The following CSE1L variants were observed in gnomAD, a reference collection of about 807,000 sequenced individuals.
CSE1L encodes exportin-2.
CSE1L carries 24 observed loss-of-function variants against 120.4 expected under a neutral mutation model. The ratio of observed to expected loss-of-function variants is 0.20; its 90% CI spans 0.14 to 0.28. The LOEUF (loss-of-function observed/expected upper bound fraction) is 0.28. CSE1L is among the 10% of genes least tolerant of loss of function. CSE1L has a pLI of 1.00. For synonymous variants in CSE1L, 402 were observed against 398.3 expected (o/e 1.01, Z -0.11); for missense variants, 830 against 1,145.2 (o/e 0.72, Z 3.97).
At chr20:49,064,728 T>A (rs1162995611) in intron 3 of CSE1L, among the ~76,000 whole-genome samples, 1 of 151,774 alleles carries the variant, frequency 6.6e-6, no homozygotes, top group Admixed American at 6.6e-5. Context: ...TCTCAGAATG[T>A]TTAAAAGTCC....
chr20:49,049,292 T>C (rs1253834953), intron 1 of CSE1L, among the ~76,000 whole-genome samples: 2 of 151,898 alleles, frequency 1.3e-5, no homozygotes, highest in East Asian at 1.9e-4. Context: ...CAGTCTATCC[T>C]CCTACCTCAG....
intron 7 of CSE1L, among the ~76,000 whole-genome samples, chr20:49,069,098 C>G (rs2087351211): frequency 6.6e-6 from 1 of 152,108 alleles, no homozygotes; most frequent in African/African-American, 2.4e-5. Context: ...CACTGTTTTA[C>G]TGGTGGCATT....
intron 2 of CSE1L, among the ~76,000 whole-genome samples, chr20:49,061,490 T>G (rs1437877104): frequency 5.1e-5 from 4 of 78,368 alleles, no homozygotes; most frequent in Non-Finnish European, 1.0e-4. Context: ...ATTATTATTA[T>G]TTATTTATTT....
chr20:49,082,947 G>A (rs541816164), intron 14 of CSE1L, among the ~76,000 whole-genome samples: 1 of 151,976 alleles, frequency 6.6e-6, no homozygotes, highest in African/African-American at 2.4e-5. Flanking sequence ...AGCCTCCCTA[G>A]TTGATGGGAT....
intron 1 of CSE1L, among the ~76,000 whole-genome samples, chr20:49,049,798 G>A (rs1296750986): frequency 6.6e-6 from 1 of 152,218 alleles, no homozygotes; most frequent in Non-Finnish European, 1.5e-5. Context: ...GAAGGCCAAG[G>A]TGGGCGGATC....
rs2092126602 is a variant in CSE1L at position 49,094,768 on chromosome 20, G to A, written c.2631G>A (p.Glu877=). ...TACAGTCTTTGATTGGTCTTTTTGAGTTACCCGAAGATGATACCATTCCTG... is the reference window on the plus strand; with the variant it reads ...TACAGTCTTTGATTGGTCTTTTTGAATTACCCGAAGATGATACCATTCCTG... ...PLLQSLIGLF[E]LPEDDTIPDE... Residue 877 remains glutamate, a synonymous_variant, in exon 24 of 25, where the codon GAG becomes GAA. Coordinates refer to ENST00000262982, the MANE Select transcript of CSE1L (RefSeq NM_001316.4). 6 of 1,613,848 alleles carry A rather than the reference G, an allele frequency of 3.7e-6. No homozygotes were observed. In the East Asian group the frequency reaches 1.1e-4, roughly 30 times the overall value.
rs1204304857 is a variant in CSE1L at position 49,047,535 on chromosome 20, GTTTTCTTTTTCT to G, written c.-12+1122_-12+1133del. 3.9e-5 allele frequency among the ~76,000 whole-genome samples: 3 copies of G among 77,040 alleles called. No individual in the cohort carries two copies. The South Asian group carries it at 1.3e-3, about 32-fold the overall frequency. 50.5% of individuals were successfully genotyped at this position (77,040 alleles called of 152,430 possible). ...CCTCCCCTAACCAACCTCTTCTTTT[GTTTTCTTTTTCT>G]TTTTCTTTTCTCTTTTCTTTTTTTT... On this transcript the variant is annotated intron_variant, in intron 1 of 24. Coordinates refer to ENST00000262982, the MANE Select transcript of CSE1L (RefSeq NM_001316.4).
At chr20:49,067,863 G>A (rs974906427) in intron 6 of CSE1L, among the ~76,000 whole-genome samples, 1 of 148,242 alleles carries the variant, frequency 6.7e-6, no homozygotes, top group Non-Finnish European at 1.5e-5. Context: ...AGCATTCCAA[G>A]TAGCTGGGAC....
rs1166316580 is a variant in CSE1L, at chr20:49,074,800, C to T, written c.1082C>T (p.Ala361Val). 3 of 1,612,400 alleles carry T rather than the reference C, an allele frequency of 1.9e-6. No homozygotes were observed. The highest frequency in any genetic ancestry group is 2.2e-5 in the South Asian group (2 of 90,830). The part of the protein sequence containing the change: ...NMEFRAADEE[A>V]FEDNSEEYIR... ...CTCCTTGTAGCTGCTGATGAAGAAGCATTTGAAGATAATTCTGAGGAGTAC... is the reference window on the plus strand; with the variant it reads ...CTCCTTGTAGCTGCTGATGAAGAAGTATTTGAAGATAATTCTGAGGAGTAC... Residue 361 changes from alanine to valine, a missense_variant, in exon 11 of 25, where the codon GCA (alanine) becomes GTA (valine). By Grantham distance (64) the Ala-to-Val change is moderately conservative. Around this residue, in one of 4 missense-constraint regions of CSE1L, gnomAD observed 543 missense variants for 640.2 expected, o/e 0.85. Transcript: ENST00000262982.
At chr20:49,070,961 C>T (rs1423488371) in intron 8 of CSE1L, among the ~76,000 whole-genome samples, 1 of 151,984 alleles carries the variant, frequency 6.6e-6, no homozygotes, top group Non-Finnish European at 1.5e-5. Flanking sequence ...AAAAATTATC[C>T]ACAGCTCGAG....
chr20:49,077,155 T>A, intron 13 of CSE1L, 91 bp downstream of exon 13: 2 of 502,714 alleles, frequency 4.0e-6, no homozygotes, highest in Non-Finnish European at 6.5e-6. Context: ...CTTTTGTTCT[T>A]TTTTTTTTTT....
rs181642796 is a variant in CSE1L at position 49,077,135 on chromosome 20, T to C, written c.1420+71T>C. ...CCTGAATTCAAAAAACAGCTTCCTA[T>C]CCTTGTTCCCTTTTGTTCTTTTTTT... On this transcript the variant is annotated intron_variant, in intron 13 of 24. Coordinates refer to ENST00000262982, the MANE Select transcript of CSE1L (RefSeq NM_001316.4). 1.2e-5 allele frequency: 9 copies of C among 772,256 alleles called. No homozygotes were observed. The African/African-American group carries it at 1.6e-4, about 14-fold the overall frequency. The allele number at this position is 772,256 out of a possible 1,614,324, so 47.8% of individuals were successfully genotyped here.
At chr20:49,079,150 C>T (rs1453228987) in intron 14 of CSE1L, among the ~76,000 whole-genome samples, 1 of 152,114 alleles carries the variant, frequency 6.6e-6, no homozygotes, top group African/African-American at 2.4e-5. Flanking sequence ...ACCTCGGCCT[C>T]CCAAAGTGCT....
intron 10 of CSE1L, among the ~76,000 whole-genome samples, chr20:49,073,507 A>AC (rs2091947197): frequency 1.3e-5 from 2 of 149,952 alleles, no homozygotes; most frequent in Non-Finnish European, 3.0e-5. Flanking sequence ...TGTTTTGGGG[A>AC]CAGGGTCTCA....
intron 1 of CSE1L, among the ~76,000 whole-genome samples, chr20:49,047,431 C>A (rs1252182324): frequency 6.6e-6 from 1 of 152,006 alleles, no homozygotes; most frequent in East Asian, 1.9e-4. Context: ...AAATTATTTG[C>A]ACATGCCTTT....
intron 12 of CSE1L, 41 bp downstream of exon 12, chr20:49,075,561 C>T (rs931885742): frequency 6.7e-7 from 1 of 1,492,504 alleles, no homozygotes; most frequent in Admixed American, 1.7e-5. Context: ...AAACAGACAT[C>T]AGTGACACCC....
chr20:49,079,609 C>T (rs1039504356), intron 14 of CSE1L, among the ~76,000 whole-genome samples: 4 of 152,004 alleles, frequency 2.6e-5, no homozygotes, highest in African/African-American at 9.7e-5. Context: ...TGGCTGATTG[C>T]ACCTTGAATC....
chr20:49,089,037 A>G (rs979387302), intron 17 of CSE1L, among the ~76,000 whole-genome samples: 5 of 152,170 alleles, frequency 3.3e-5, no homozygotes, highest in African/African-American at 1.2e-4. Flanking sequence ...TGAGGTTTGT[A>G]TAAGCAACTC....
intron 16 of CSE1L, 123 bp from the exon 17 acceptor site, chr20:49,087,886 C>A (rs539837551): frequency 2.3e-5 from 14 of 611,488 alleles, no homozygotes; most frequent in African/African-American, 2.1e-4. Context: ...AGAGCTATCT[C>A]GGGGTTGTCT....
Sources: gnomAD v4.1 joint callset for allele counts (sites outside exome capture counted in the v4.1 genomes callset) on GRCh38, gnomAD v4.1.1 for gene constraint, gnomAD v4.1.1 regional missense constraint, MANE v1.5 for transcripts, NCBI Gene and HGNC (gene_info 2026-07-23, HGNC 2026-07-21) for gene names.